Variants in MYPN observed in about 807,000 individuals in gnomAD.
The protein encoded by MYPN is sarcomeric protein myopalladin, 145 kDa (MYOP).
MYPN carries 63 observed loss-of-function variants against 129.4 expected under a neutral mutation model. That is an observed-to-expected ratio of 0.49 (90% CI 0.40 to 0.60). The LOEUF is 0.60. Among genes scored for constraint, MYPN ranks in the 20% least tolerant of loss-of-function variants. The pLI, the probability that MYPN is intolerant of heterozygous loss-of-function variation, is 0.00. For missense variants in MYPN, 1,596 were observed against 1,635.4 expected, an observed-to-expected ratio of 0.98 and a Z score of 0.42; for synonymous variants, 629 against 600.9, an observed-to-expected ratio of 1.05 and a Z score of -0.68.
chr10:68,168,679 A>G (rs999679544), intron 10 of MYPN, among the ~76,000 whole-genome samples: 17 of 152,170 alleles, frequency 1.1e-4, no homozygotes, highest in Non-Finnish European at 4.4e-5. Flanking sequence ...TGGGGATTCT[A>G]TGGCTGGCAA....
chr10:68,174,159 T>A lies in MYPN; in HGVS notation c.2067T>A (p.Pro689=), dbSNP rs2134198866. The A allele has an allele frequency of 1.2e-6, 2 of 1,614,042 alleles. No individual in the cohort carries two copies. Among genetic ancestry groups the A allele is most frequent in the Non-Finnish European group, 1.7e-6 (2 of 1,179,950 alleles). Residue 689 remains proline, a synonymous_variant, in exon 11 of 20, where the codon CCT becomes CCA. Transcript: ENST00000358913. ...NPPPSSPKEF[P]FSMTVLNSNA... is the part of the protein sequence containing the mutation. ...CTCCTTCATCTCCTAAGGAGTTTCC[T>A]TTCAGCATGACTGTTTTGAACTCCA...
At chr10:68,160,242 G>A (rs1447209108) in intron 7 of MYPN, among the ~76,000 whole-genome samples, 1 of 151,380 alleles carries the variant, frequency 6.6e-6, no homozygotes, top group East Asian at 1.9e-4. Context: ...GTGAAACCCT[G>A]TTTCCACCAA....
At chr10:68,182,222 A>AACACATATATATATAACATAAATATAAC (rs2043324454) in intron 12 of MYPN, among the ~76,000 whole-genome samples, 3 of 96,532 alleles carry the variant, frequency 3.1e-5, no homozygotes, top group Non-Finnish European at 4.5e-5. Flanking sequence ...ATATATATAT[A>AACACATATATATATAACATAAATATAAC]ACACATATAT....
In MYPN at chr10:68,211,959, C is replaced by T; in HGVS notation, c.*1504C>T. The stretch of plus-strand genomic sequence containing the variant: ...AGTAACTGCTTAGAAAGGCTTGAAA[C>T]TGTCTTCACTTCAAGGCAAGGATTT... On this transcript the variant is annotated 3_prime_UTR_variant, in exon 20 of 20. Coordinates refer to ENST00000358913, the MANE Select transcript of MYPN (RefSeq NM_032578.4). 1 of 367,824 alleles carries T rather than the reference C, an allele frequency of 2.7e-6. No homozygotes were observed. Among genetic ancestry groups the T allele is most frequent in the Admixed American group, 3.6e-5 (1 of 27,474 alleles). The allele number at this position is 367,824 out of a possible 1,614,324, so 22.8% of individuals were successfully genotyped here.
At chr10:68,210,223 C>A in intron 19 of MYPN, 63 bp from the exon 20 acceptor site, 1 of 1,580,738 alleles carries the variant, frequency 6.3e-7, no homozygotes, top group Non-Finnish European at 8.7e-7. Context: ...GAATGCACCT[C>A]TGCAGCGTAC....
intron 1 of MYPN, among the ~76,000 whole-genome samples, chr10:68,090,245 C>G (rs2041924909): frequency 1.3e-5 from 2 of 152,116 alleles, no homozygotes; most frequent in South Asian, 4.1e-4. Context: ...TCACTGCAAC[C>G]TCTGCCTTCT....
intron 2 of MYPN, among the ~76,000 whole-genome samples, chr10:68,136,921 C>A (rs1480013757): frequency 2.0e-5 from 3 of 152,096 alleles, no homozygotes; most frequent in East Asian, 1.9e-4. Context: ...TGTTTATTTA[C>A]CTCTAGCTTC....
At chr10:68,124,216 A>G (rs1000345790) in intron 2 of MYPN, among the ~76,000 whole-genome samples, 1 of 152,200 alleles carries the variant, frequency 6.6e-6, no homozygotes, top group South Asian at 2.1e-4. Context: ...GTTAGCCCCT[A>G]GGGTAACATG....
At chr10:68,147,364 C>T (rs867233350) in intron 4 of MYPN, among the ~76,000 whole-genome samples, 51 of 152,250 alleles carry the variant, frequency 3.3e-4, no homozygotes, top group African/African-American at 1.2e-3. Flanking sequence ...GCCATATTGG[C>T]CAGGCTGGTC....
Position 68,122,181 on chromosome 10 carries a change from G to T in MYPN, c.743G>T (p.Gly248Val). Reference sequence around the variant, plus strand: ...CAGGCTGCCAGTGAGGCGGCTGGTGGAGACACTACACCAGGGTCTTCCCCT... The same window carrying T: ...CAGGCTGCCAGTGAGGCGGCTGGTGTAGACACTACACCAGGGTCTTCCCCT... Reference protein sequence around the residue: ...AEQAASEAAGGDTTPGSSPSS... With the variant: ...AEQAASEAAGVDTTPGSSPSS... The change falls in exon 2 of 20, where the codon GGA becomes GTA. Residue 248 changes from glycine (G) to valine (V), a missense_variant. Transcript: ENST00000358913. The T allele has an allele frequency of 1.2e-6, 2 of 1,610,646 alleles. No individual in the cohort carries two copies. The highest frequency in any genetic ancestry group is 2.2e-5 in the South Asian group (2 of 90,676).
intron 14 of MYPN, 71 bp from the exon 15 acceptor site, chr10:68,195,379 G>T: frequency 6.7e-7 from 1 of 1,495,588 alleles, no homozygotes; most frequent in East Asian, 2.3e-5. Context: ...TTCTGGTCCA[G>T]AAATTTTTAT....
intron 2 of MYPN, among the ~76,000 whole-genome samples, chr10:68,124,243 A>G (rs1434346316): frequency 6.6e-6 from 1 of 152,238 alleles, no homozygotes; most frequent in African/African-American, 2.4e-5. Flanking sequence ...TTTTGATTTT[A>G]TAATGGAATA....
Position 68,199,516 on chromosome 10 carries a change from A to G in MYPN, c.3434A>G (p.Lys1145Arg). 1.2e-6 allele frequency: 2 copies of G among 1,614,168 alleles called. No individual in the cohort carries two copies. The highest frequency in any genetic ancestry group is 1.7e-6 in the Non-Finnish European group (2 of 1,180,024). The change falls in exon 17 of 20, where the codon AAG becomes AGG. Residue 1145 changes from lysine to arginine, a missense_variant. Transcript: ENST00000358913. ...ACTCAGCGCGACGCAGGGACCTATA[A>G]GTGCATCGCTACCAACAAAACCGGG... ...PLTQRDAGTY[K>R]CIATNKTGQN...
chr10:68,145,690 G>A (rs2042654125), intron 4 of MYPN, among the ~76,000 whole-genome samples, 164 bp downstream of exon 4: 1 of 152,182 alleles, frequency 6.6e-6, no homozygotes, highest in South Asian at 2.1e-4. Context: ...GAGTGGATTT[G>A]AAGAAGACCC....
chr10:68,171,022 G>T (rs867140683), intron 10 of MYPN, among the ~76,000 whole-genome samples: 47 of 151,956 alleles, frequency 3.1e-4, no homozygotes, highest in African/African-American at 1.1e-3. Flanking sequence ...GGTGGTGCAT[G>T]CCTGTCATCC....
At chr10:68,149,939 G>C in intron 5 of MYPN, 101 bp from the exon 6 acceptor site, 6 of 1,071,038 alleles carry the variant, frequency 5.6e-6, no homozygotes, top group Non-Finnish European at 8.7e-6. Flanking sequence ...TTTTTGGTTT[G>C]GGATGCATTT....
intron 1 of MYPN, among the ~76,000 whole-genome samples, chr10:68,091,251 C>T (rs1036251650): frequency 2.6e-5 from 4 of 152,012 alleles, no homozygotes; most frequent in Admixed American, 6.6e-5. Flanking sequence ...AGGGCTCTCT[C>T]GGGTGGACAG....
chr10:68,109,660 A>G lies in MYPN; in HGVS notation c.-65A>G. 1 of 454,084 alleles carries G rather than the reference A, an allele frequency of 2.2e-6. No homozygotes were observed. Among genetic ancestry groups the G allele is most frequent in the South Asian group, 1.6e-5 (1 of 64,480 alleles). The allele number at this position is 454,084 out of a possible 1,614,324, so 28.1% of individuals were successfully genotyped here. On this transcript the variant is annotated 5_prime_UTR_variant, in exon 1 of 20. In the 5' UTR this introduces an upstream ATG that the reference lacks. Coordinates refer to ENST00000358913, the MANE Select transcript of MYPN (RefSeq NM_032578.4). Reference sequence around the variant, plus strand: ...TTTCATCTAAAAGTTCTCCCTGGATAATTATCATTGCAGTGGAGTGCCTGG... The same window carrying G: ...TTTCATCTAAAAGTTCTCCCTGGATGATTATCATTGCAGTGGAGTGCCTGG...
At chr10:68,130,989 A>G (rs2134023963) in intron 2 of MYPN, among the ~76,000 whole-genome samples, 2 of 152,318 alleles carry the variant, frequency 1.3e-5, no homozygotes, top group Middle Eastern at 6.8e-3. Context: ...TCTCGCTATA[A>G]TAGGCTTTTC....
Sources: allele counts gnomAD v4.1 joint callset (sites outside exome capture counted in the v4.1 genomes callset), GRCh38; gene constraint gnomAD v4.1.1; transcripts MANE v1.5; gene names NCBI Gene and HGNC (gene_info 2026-07-23, HGNC 2026-07-21).